C10orf105: variants seen among roughly 807,000 people sequenced by gnomAD.
C10orf105 encodes the protein chromosome 10 open reading frame 105.
C10orf105 carries 2 observed loss-of-function variants against 0.6 expected under a neutral mutation model. The ratio of observed to expected loss-of-function variants is 3.18; its 90% CI spans 1.30 to 10.01. C10orf105 has a LOEUF of 10.01. Among genes scored for constraint, C10orf105 ranks in the 30% most tolerant of loss-of-function variants. The probability of loss-of-function intolerance (pLI) is 0.04; values close to 1 mark genes in which losing one functional copy is unlikely to be tolerated. For synonymous variants in C10orf105, 95 were observed against 82.4 expected (o/e 1.15, Z -0.83); for missense variants, 209 against 191.4 (o/e 1.09, Z -0.54).
upstream of C10orf105, among the ~76,000 whole-genome samples, chr10:71,723,656 G>T (rs975234872): frequency 3.3e-5 from 5 of 152,170 alleles, no homozygotes; most frequent in Admixed American, 3.3e-4. Context: ...TAGCCATGCA[G>T]TTCAGCCACC....
intron 1 of C10orf105, among the ~76,000 whole-genome samples, chr10:71,718,094 G>A (rs1014458160): frequency 6.6e-6 from 1 of 152,122 alleles, no homozygotes; most frequent in South Asian, 2.1e-4. Context: ...TTTTCATGAG[G>A]GTGGGGGATA....
chr10:71,719,021 C>A (rs1377956301), intron 1 of C10orf105, among the ~76,000 whole-genome samples: 1 of 151,848 alleles, frequency 6.6e-6, no homozygotes, highest in Non-Finnish European at 1.5e-5. Flanking sequence ...GAGGCTACAG[C>A]GAGCTAGAAT....
rs1254682407 is a variant in C10orf105, at chr10:71,713,282, G to A, written c.*2654C>T. The A allele has an allele frequency of 1.3e-6, 1 of 779,438 alleles. No homozygotes were observed. The highest frequency in any genetic ancestry group is 1.7e-5 in the Admixed American group (1 of 59,022). The allele number at this position is 779,438 out of a possible 1,614,324, so 48.3% of individuals were successfully genotyped here. ...CTTTGCCCAGGGAGCAGGCGCAACAGCTCCAAGGCTCAGAGGGAGAGAAGG... is the reference window on the plus strand; with the variant it reads ...CTTTGCCCAGGGAGCAGGCGCAACAACTCCAAGGCTCAGAGGGAGAGAAGG... On this transcript the variant is annotated 3_prime_UTR_variant, in exon 2 of 2. Coordinates refer to ENST00000441508, the MANE Select transcript of C10orf105 (RefSeq NM_001164375.3).
intron 1 of C10orf105, chr10:71,734,427 A>G: frequency 2.0e-6 from 3 of 1,493,860 alleles, no homozygotes; most frequent in Non-Finnish European, 2.7e-6. Context: ...CCAGCCACCC[A>G]ATGTATGGGC....
rs569161974 is a variant in C10orf105 at position 71,728,933 on chromosome 10, C to T, written c.-6+8795G>A. Among the ~76,000 whole-genome samples, 55 of 151,948 alleles carry T rather than the reference C, an allele frequency of 3.6e-4. 1 individual carries two copies. Among genetic ancestry groups the T allele is most frequent in the Middle Eastern group, 3.4e-3 (1 of 294 alleles). ...CTGGTCTCAAACTCCTGGGCTCAAGCGATCCTCTTGCCTCCGCCTCCCTAG... is the reference window on the plus strand; with the variant it reads ...CTGGTCTCAAACTCCTGGGCTCAAGTGATCCTCTTGCCTCCGCCTCCCTAG... On this transcript the variant is annotated intron_variant, in intron 1 of 1. Transcript: ENST00000398786.
At chr10:71,732,666 A>C (rs909277829) in intron 1 of C10orf105, 2 of 1,379,126 alleles carry the variant, frequency 1.5e-6, no homozygotes, top group Non-Finnish European at 1.9e-6. Flanking sequence ...CCCGAGATCA[A>C]TATCCCTGTA....
In C10orf105 at chr10:71,730,567, G is replaced by A. The variant is rs774716336; in HGVS notation, c.-6+7161C>T. 5.8e-5 allele frequency: 93 copies of A among 1,613,810 alleles called. No individual in the cohort carries two copies. In the South Asian group the frequency reaches 6.7e-4, roughly 12 times the overall value. On this transcript the variant is annotated intron_variant, in intron 1 of 1. Coordinates refer to the C10orf105 transcript ENST00000398786. Reference sequence around the variant, plus strand: ...TTCGAGAGACCGCAGGCATTGGAACGTCAGTCATCGTGGTCCAAGCCACAG... The same window carrying A: ...TTCGAGAGACCGCAGGCATTGGAACATCAGTCATCGTGGTCCAAGCCACAG...
intron 1 of C10orf105, among the ~76,000 whole-genome samples, chr10:71,727,532 G>A (rs1310253212): frequency 6.6e-6 from 1 of 152,182 alleles, no homozygotes; most frequent in Non-Finnish European, 1.5e-5. Flanking sequence ...GGGGAGAGAC[G>A]GCTTGCAGGA....
rs1329167015 is a variant in C10orf105 at position 71,713,071 on chromosome 10, G to A, written c.*2865C>T. On this transcript the variant is annotated 3_prime_UTR_variant, in exon 2 of 2. Coordinates refer to ENST00000441508, the MANE Select transcript of C10orf105 (RefSeq NM_001164375.3). Reference sequence around the variant, plus strand: ...CAGGAGGAAGACTTGGCCTCCCCCTGCATATCTCCCGCCCCACCCAGAAGG... The same window carrying A: ...CAGGAGGAAGACTTGGCCTCCCCCTACATATCTCCCGCCCCACCCAGAAGG... The A allele has an allele frequency of 4.0e-6, 3 of 746,898 alleles. No homozygotes were observed. Among genetic ancestry groups the A allele is most frequent in the South Asian group, 2.9e-5 (2 of 69,948 alleles). The allele number at this position is 746,898 out of a possible 1,614,324, so 46.3% of individuals were successfully genotyped here.
At position 71,734,784 on chromosome 10, in the gene C10orf105, G is replaced by A. The variant is rs151263634; in HGVS notation, c.-6+2944C>T. ...AGGCACGTGGACAGGCCTGCAGCAG[G>A]CCCCCTCCCAGTGCCTCCACTCTCA... On this transcript the variant is annotated intron_variant, in intron 1 of 1. Coordinates refer to the C10orf105 transcript ENST00000398786. 2.5e-3 allele frequency: 1,436 copies of A among 572,236 alleles called. 16 individuals carry two copies. The highest frequency in any genetic ancestry group is 0.024 in the African/African-American group (1,258 of 52,788). The allele number at this position is 572,236 out of a possible 1,614,324, so 35.4% of individuals were successfully genotyped here.
At position 71,715,729 on chromosome 10, in the gene C10orf105, G is replaced by T; in HGVS notation, c.*207C>A. 1 of 440,952 alleles carries T rather than the reference G, an allele frequency of 2.3e-6. No homozygotes were observed. The highest frequency in any genetic ancestry group is 4.0e-6 in the Non-Finnish European group (1 of 250,634). 27.3% of individuals were successfully genotyped at this position (440,952 alleles called of 1,614,324 possible). ...GAAGTCTTTCATCAAGCAGCAGCGA[G>T]GGGGTCTGCAGAGAGGAAGGTGCTC... On this transcript the variant is annotated 3_prime_UTR_variant, in exon 2 of 2. Coordinates refer to ENST00000441508, the MANE Select transcript of C10orf105 (RefSeq NM_001164375.3).
intron 1 of C10orf105, among the ~76,000 whole-genome samples, chr10:71,735,387 C>T (rs1839535295): frequency 6.6e-6 from 1 of 152,174 alleles, no homozygotes; most frequent in South Asian, 2.1e-4. Flanking sequence ...CTAGAAGAGG[C>T]GGCCCGGCCT....
intron 1 of C10orf105, chr10:71,734,240 G>A: frequency 6.2e-7 from 1 of 1,607,940 alleles, no homozygotes; most frequent in Non-Finnish European, 8.5e-7. Flanking sequence ...TTCCCTGCAG[G>A]GTGTGATCAC....
At chr10:71,722,238 C>T (rs1258609384), upstream of C10orf105, among the ~76,000 whole-genome samples, 4 of 152,018 alleles carry the variant, frequency 2.6e-5, no homozygotes, top group East Asian at 1.9e-4. Context: ...CTCAGGAGTT[C>T]GAGACCAGCC....
rs1564750020 is a variant in C10orf105, at chr10:71,713,310, G to A, written c.*2626C>T. The stretch of plus-strand genomic sequence containing the variant: ...CCAAGGCTCAGAGGGAGAGAAGGGA[G>A]GACCCTGAAAACAATTTGGGTGTGC... On this transcript the variant is annotated 3_prime_UTR_variant, in exon 2 of 2. Transcript: ENST00000441508. 2 of 778,762 alleles carry A rather than the reference G, an allele frequency of 2.6e-6. No homozygotes were observed. Among genetic ancestry groups the A allele is most frequent in the Non-Finnish European group, 2.4e-6 (1 of 417,726 alleles). 48.2% of individuals were successfully genotyped at this position (778,762 alleles called of 1,614,324 possible).
At chr10:71,732,294 C>T (rs1331714787) in intron 1 of C10orf105, 2 of 1,612,460 alleles carry the variant, frequency 1.2e-6, no homozygotes, top group Non-Finnish European at 1.7e-6. Flanking sequence ...ACTCCATCGA[C>T]AACCTCAACC....
At chr10:71,724,252 A>G, upstream of C10orf105, 1 of 782,544 alleles carries the variant, frequency 1.3e-6, no homozygotes, top group Non-Finnish European at 2.1e-6. Context: ...GGAAACAGGG[A>G]CATTCTCCTT....
chr10:71,730,114 G>T (rs1839315397), intron 1 of C10orf105, among the ~76,000 whole-genome samples: 1 of 152,182 alleles, frequency 6.6e-6, no homozygotes, highest in African/African-American at 2.4e-5. Flanking sequence ...TGGGATTACA[G>T]GCGTGAGCCA....
At chr10:71,729,135 T>TC (rs551287429) in intron 1 of C10orf105, among the ~76,000 whole-genome samples, 170 of 152,288 alleles carry the variant, frequency 1.1e-3, no homozygotes, top group African/African-American at 3.8e-3. Flanking sequence ...ATGCCTGGCC[T>TC]CCATAAACAC....
Sources: allele counts gnomAD v4.1 joint callset (sites outside exome capture counted in the v4.1 genomes callset), GRCh38; gene constraint gnomAD v4.1.1; transcripts MANE v1.5; gene names NCBI Gene and HGNC (gene_info 2026-07-23, HGNC 2026-07-21).